Variants in FAM53A observed in about 807,000 individuals in gnomAD.
FAM53A encodes the protein family with sequence similarity 53 member A.
FAM53A carries 28 observed loss-of-function variants against 26.6 expected under a neutral mutation model. That is an observed-to-expected ratio of 1.05 (90% CI 0.78 to 1.45). FAM53A has a LOEUF of 1.45. FAM53A is among the 40% of genes most tolerant of loss of function. FAM53A has a pLI of 0.00. For synonymous variants in FAM53A, 290 were observed against 253.1 expected (o/e 1.15, Z -1.38); for missense variants, 650 against 575.8 (o/e 1.13, Z -1.32).
chr4:1,596,532 C>T, the FAM53A span, among the ~76,000 whole-genome samples: 26 of 152,150 alleles, frequency 1.7e-4, no homozygotes, highest in African/African-American at 6.0e-4. Context: ...CTGCCCACCA[C>T]ACCACCCGAA....
intron 1 of FAM53A, chr4:1,683,325 G>A (rs1211824580): frequency 4.6e-5 from 7 of 152,232 alleles, no homozygotes; most frequent in African/African-American, 7.2e-5. Flanking sequence ...AAGGTCAGGC[G>A]ACAGGAGGGT....
At chr4:1,653,258 C>T (rs999732851) in intron 4 of FAM53A, among the ~76,000 whole-genome samples, 4 of 152,174 alleles carry the variant, frequency 2.6e-5, no homozygotes, top group African/African-American at 9.7e-5. Flanking sequence ...CGAGTCCTTG[C>T]CTCTACCCAC....
intron 4 of FAM53A, among the ~76,000 whole-genome samples, chr4:1,647,734 T>C (rs1712372550): frequency 6.6e-6 from 1 of 152,054 alleles, no homozygotes; most frequent in Admixed American, 6.5e-5. Context: ...AGTGTGCACA[T>C]GAGTGGGAGT....
At chr4:1,685,854 C>G (rs1715783045), upstream of FAM53A, among the ~76,000 whole-genome samples, 1 of 152,168 alleles carries the variant, frequency 6.6e-6, no homozygotes, top group Admixed American at 6.5e-5. Flanking sequence ...GCACCTGTGC[C>G]CGGGGCGAGG....
At chr4:1,666,274 AC>A (rs1714224046) in intron 2 of FAM53A, among the ~76,000 whole-genome samples, 1 of 139,170 alleles carries the variant, frequency 7.2e-6, no homozygotes, top group Non-Finnish European at 1.5e-5. Context: ...CTAAAATAAA[AC>A]CTGCACCCCC....
chr4:1,659,294 G>A lies in FAM53A; in HGVS notation c.76-1826C>T, dbSNP rs1334676300. On this transcript the variant is annotated intron_variant, in intron 2 of 4. Coordinates refer to ENST00000308132, the MANE Select transcript of FAM53A (RefSeq NM_001174070.3). This position sits in a 1 kb window ranked among gnomAD's most constrained non-coding sequence, Gnocchi z 5.2. ...TGCTAAAGGACTTGAAGGCTTTCACGCCACAGGGACCCTTGTTGCTGTCGA... is the reference window on the plus strand; with the variant it reads ...TGCTAAAGGACTTGAAGGCTTTCACACCACAGGGACCCTTGTTGCTGTCGA... 1.3e-5 allele frequency among the ~76,000 whole-genome samples: 2 copies of A among 152,166 alleles called. No homozygotes were observed. Among genetic ancestry groups the A allele is most frequent in the Non-Finnish European group, 1.5e-5 (1 of 68,038 alleles).
intron 1 of FAM53A, among the ~76,000 whole-genome samples, chr4:1,681,523 C>CT (rs36047639): frequency 0.26 from 36,636 of 139,274 alleles, 5,493 homozygotes; most frequent in Middle Eastern, 0.43. Flanking sequence ...AAACTCAAAT[C>CT]TTTTTTTTTT....
At chr4:1,667,385 A>C (rs1358467068) in intron 2 of FAM53A, among the ~76,000 whole-genome samples, 1 of 152,178 alleles carries the variant, frequency 6.6e-6, no homozygotes, top group African/African-American at 2.4e-5. Context: ...GACATCAGGC[A>C]AGCACTGCCT....
At position 1,659,031 on chromosome 4, in the gene FAM53A, A is replaced by G. The variant is rs766133912; in HGVS notation, c.76-1563T>C. Among the ~76,000 whole-genome samples the G allele has an allele frequency of 1.3e-5, 2 of 152,258 alleles. No individual in the cohort carries two copies. The highest frequency in any genetic ancestry group is 2.9e-5 in the Non-Finnish European group (2 of 68,042). ...TAACATTTCCAAACACGATAAAATT[A>G]AAAGGAAATCCTTCACTGCTTCCTG... On this transcript the variant is annotated intron_variant, in intron 2 of 4. Coordinates refer to ENST00000308132, the MANE Select transcript of FAM53A (RefSeq NM_001174070.3). The surrounding 1 kb of genome is among the most constrained non-coding windows in gnomAD (Gnocchi z 5.2).
intron 1 of FAM53A, among the ~76,000 whole-genome samples, chr4:1,678,759 T>C (rs1176389207): frequency 6.6e-6 from 1 of 151,668 alleles, no homozygotes; most frequent in Non-Finnish European, 1.5e-5. Flanking sequence ...GAGGCAAAGG[T>C]TGCAATGAGC....
At chr4:1,614,097 C>A (rs1714719847), downstream of FAM53A, among the ~76,000 whole-genome samples, 1 of 152,182 alleles carries the variant, frequency 6.6e-6, no homozygotes, top group Non-Finnish European at 1.5e-5. Flanking sequence ...ACGCTGGGCA[C>A]CTGCCACACT....
At chr4:1,579,030 G>C in the FAM53A span, among the ~76,000 whole-genome samples, 1 of 140,262 alleles carries the variant, frequency 7.1e-6, no homozygotes, top group Non-Finnish European at 1.6e-5. Flanking sequence ...GCGCAGAGCC[G>C]GGGCGCTCCC....
the FAM53A span, among the ~76,000 whole-genome samples, chr4:1,576,481 A>G: frequency 2.0e-5 from 3 of 152,248 alleles, no homozygotes; most frequent in Non-Finnish European, 4.4e-5. Context: ...GCCGCGCTTG[A>G]CTAATCTGCC....
the FAM53A span, among the ~76,000 whole-genome samples, chr4:1,584,513 G>C: frequency 2.6e-5 from 4 of 152,250 alleles, no homozygotes; most frequent in Admixed American, 2.0e-4. Flanking sequence ...TTGAGCATGA[G>C]TAACTTGGGA....
At position 1,640,358 on chromosome 4, in the gene FAM53A, G is replaced by A. The variant is rs573036689; in HGVS notation, c.*935C>T. ...CCGTCGGGAGGGGGGGACACACGGG[G>A]CCAGTGGGACTCTGACCACCAACGC... is the stretch of plus-strand genomic sequence containing the variant. On this transcript the variant is annotated 3_prime_UTR_variant, in exon 5 of 5. Coordinates refer to ENST00000308132, the MANE Select transcript of FAM53A (RefSeq NM_001174070.3). The A allele has an allele frequency of 8.1e-6, 2 of 246,812 alleles. No homozygotes were observed. Among genetic ancestry groups the A allele is most frequent in the Non-Finnish European group, 1.5e-5 (2 of 129,102 alleles). 15.3% of individuals were successfully genotyped at this position (246,812 alleles called of 1,614,324 possible). A position where few individuals can be genotyped will look rare whatever the true frequency, so the allele number is the denominator to read the frequency against.
chr4:1,616,496 T>C (rs114188047), downstream of FAM53A, among the ~76,000 whole-genome samples: 2 of 142,706 alleles, frequency 1.4e-5, no homozygotes, highest in African/African-American at 5.9e-5. Flanking sequence ...CACTCCAGCC[T>C]GGGTGTCACA....
At chr4:1,575,345 G>A in the FAM53A span, among the ~76,000 whole-genome samples, 7 of 152,172 alleles carry the variant, frequency 4.6e-5, no homozygotes, top group Non-Finnish European at 1.0e-4. Flanking sequence ...GCCCGAGTTG[G>A]CATCATCCAA....
intron 4 of FAM53A, among the ~76,000 whole-genome samples, chr4:1,654,672 A>T (rs1713158161): frequency 6.6e-6 from 1 of 152,210 alleles, no homozygotes; most frequent in Non-Finnish European, 1.5e-5. Flanking sequence ...CAGCCAGGCC[A>T]GAAACCCACA....
At chr4:1,672,839 G>A (rs935025273) in intron 1 of FAM53A, among the ~76,000 whole-genome samples, 13 of 135,686 alleles carry the variant, frequency 9.6e-5, no homozygotes, top group East Asian at 2.2e-4. Flanking sequence ...GTGTGATCTC[G>A]GCTCACTGCA....
Sources: allele counts gnomAD v4.1 joint callset (sites outside exome capture counted in the v4.1 genomes callset), GRCh38; gene constraint gnomAD v4.1.1; non-coding constraint Gnocchi (gnomAD v3.1); transcripts MANE v1.5; gene names NCBI Gene and HGNC (gene_info 2026-07-23, HGNC 2026-07-21).